The following PRKDC variants were observed in gnomAD, a reference collection of about 807,000 sequenced individuals.
PRKDC encodes the protein protein kinase, DNA-activated, catalytic subunit.
In PRKDC, 82 loss-of-function variants were observed where a neutral mutation model predicts 486.9. The observed-to-expected ratio is 0.17, with a 90% confidence interval of 0.14 to 0.20. The LOEUF is 0.20. PRKDC is among the 10% of genes least tolerant of loss of function. The probability of loss-of-function intolerance (pLI) is 1.00; values close to 1 mark genes in which losing one functional copy is unlikely to be tolerated. For missense variants in PRKDC, 4,504 were observed against 5,038.2 expected, an observed-to-expected ratio of 0.89 and a Z score of 3.21; for synonymous variants, 1,895 against 1,837.0, an observed-to-expected ratio of 1.03 and a Z score of -0.81.
chr8:47,897,138 T>C, intron 30 of PRKDC, 23 bp downstream of exon 30: 2 of 1,560,100 alleles, frequency 1.3e-6, no homozygotes, highest in South Asian at 2.4e-5. Flanking sequence ...GTGGTGAAAT[T>C]AAAGATATAC....
chr8:47,807,247 C>A lies in PRKDC; in HGVS notation c.9637G>T (p.Asp3213Tyr). 1 of 1,613,714 alleles carries A rather than the reference C, an allele frequency of 6.2e-7. No individual in the cohort carries two copies. Among genetic ancestry groups the A allele is most frequent in the South Asian group, 1.1e-5 (1 of 91,048 alleles). ...TGCACTTCCATCCTGTCACTGGGGT[C>A]TCCATCTTGATCCACATTCATACTA... ...DNSMNVDQDG[D>Y]PSDRMEVQEQ... is the part of the protein sequence containing the mutation. Residue 3213 changes from aspartate (D) to tyrosine (Y), a missense_variant, in exon 69 of 86, where the codon GAC becomes TAC. Coordinates refer to ENST00000314191, the MANE Select transcript of PRKDC (RefSeq NM_006904.7).
chr8:47,878,838 A>C (rs1055624623), intron 39 of PRKDC, among the ~76,000 whole-genome samples: 7 of 152,216 alleles, frequency 4.6e-5, no homozygotes, highest in Admixed American at 6.5e-5. Flanking sequence ...CTCTGTCTCA[A>C]AACAAAAGAA....
At chr8:47,933,265 C>T (rs1442823872) in intron 15 of PRKDC, 93 bp from the exon 16 acceptor site, 16 of 1,012,686 alleles carry the variant, frequency 1.6e-5, no homozygotes, top group South Asian at 4.9e-5. Context: ...GATGTATGTG[C>T]CGGTTTGGGT....
intron 68 of PRKDC, among the ~76,000 whole-genome samples, chr8:47,814,431 G>GCAGATGATATGATAT (rs2087399132): frequency 6.6e-6 from 1 of 152,130 alleles, no homozygotes; most frequent in South Asian, 2.1e-4. Context: ...GGCTCTATCG[G>GCAGATGATATGATAT]CAGATGATAT....
At chr8:47,811,774 C>T (rs569933490) in intron 68 of PRKDC, among the ~76,000 whole-genome samples, 17 of 152,056 alleles carry the variant, frequency 1.1e-4, no homozygotes, top group Non-Finnish European at 1.8e-4. Context: ...GTCAGGAGTT[C>T]GAGACCAGCC....
intron 8 of PRKDC, 27 bp downstream of exon 8, chr8:47,943,944 GAAT>G (rs754087380): frequency 3.2e-6 from 5 of 1,554,092 alleles, no homozygotes; most frequent in East Asian, 2.4e-5. Context: ...AAAGGCATTA[GAAT>G]AATATTAATA....
chr8:47,859,354 C>T (rs571237997), intron 46 of PRKDC, among the ~76,000 whole-genome samples: 18 of 152,224 alleles, frequency 1.2e-4, no homozygotes, highest in African/African-American at 3.9e-4. Flanking sequence ...GGTGACTCCC[C>T]GGGAGTGCAC....
At chr8:47,872,616 C>T (rs1322888188) in intron 40 of PRKDC, among the ~76,000 whole-genome samples, 1 of 151,228 alleles carries the variant, frequency 6.6e-6, no homozygotes, top group Non-Finnish European at 1.5e-5. Context: ...CCAATGGAAA[C>T]CAAAACAGAG....
intron 52 of PRKDC, 56 bp downstream of exon 52, chr8:47,852,617 A>C: frequency 1.8e-6 from 2 of 1,102,550 alleles, no homozygotes; most frequent in Non-Finnish European, 2.6e-6. Context: ...ATCAAGGGTC[A>C]TAACAAATCA....
intron 63 of PRKDC, among the ~76,000 whole-genome samples, chr8:47,825,436 G>T (rs1464965832): frequency 6.7e-6 from 1 of 148,560 alleles, no homozygotes; most frequent in African/African-American, 2.5e-5. Context: ...TTGAACCCGG[G>T]AGGTGGAGGT....
intron 20 of PRKDC, 48 bp downstream of exon 20, chr8:47,927,723 G>T: frequency 6.9e-7 from 1 of 1,451,182 alleles, no homozygotes; most frequent in South Asian, 1.6e-5. Context: ...TGTGCTCTGG[G>T]ACTCACAACA....
At position 47,926,925 on chromosome 8, in the gene PRKDC, A is replaced by C. The variant is rs2090166236; in HGVS notation, c.2419+269T>G. 1.3e-5 allele frequency: 4 copies of C among 306,284 alleles called. No homozygotes were observed. In the East Asian group the frequency reaches 2.5e-4, roughly 19 times the overall value. 19.0% of individuals were successfully genotyped at this position (306,284 alleles called of 1,614,324 possible). On this transcript the variant is annotated intron_variant, in intron 21 of 85. Coordinates refer to ENST00000314191, the MANE Select transcript of PRKDC (RefSeq NM_006904.7). ...TGTATTAGGAGTCATAAAAATTTCA[A>C]GGTATTGAAGACAGTACTTGTCTTT...
At chr8:47,856,154 G>C (rs1351905250) in intron 49 of PRKDC, among the ~76,000 whole-genome samples, 1 of 152,112 alleles carries the variant, frequency 6.6e-6, no homozygotes, top group Non-Finnish European at 1.5e-5. Flanking sequence ...TTGGTTAACT[G>C]TGAAACAAAT....
intron 64 of PRKDC, 149 bp from the exon 65 acceptor site, chr8:47,821,941 A>C (rs764262547): frequency 1.3e-6 from 1 of 798,964 alleles, no homozygotes; most frequent in Non-Finnish European, 1.9e-6. Flanking sequence ...TATTCAGAGT[A>C]ACACTGAATG....
intron 7 of PRKDC, among the ~76,000 whole-genome samples, chr8:47,945,775 G>A (rs1212249452): frequency 1.3e-5 from 2 of 152,088 alleles, no homozygotes; most frequent in Non-Finnish European, 2.9e-5. Context: ...AGGCTGGAGT[G>A]CAGTGGCACG....
At chr8:47,867,508 T>C (rs1402273035) in intron 40 of PRKDC, among the ~76,000 whole-genome samples, 1 of 152,232 alleles carries the variant, frequency 6.6e-6, no homozygotes, top group Non-Finnish European at 1.5e-5. Context: ...AAGAAAATTA[T>C]AGCTAAAATG....
intron 59 of PRKDC, among the ~76,000 whole-genome samples, chr8:47,833,253 G>A (rs2087930997): frequency 6.6e-6 from 1 of 152,220 alleles, no homozygotes; most frequent in Non-Finnish European, 1.5e-5. Context: ...AGCAAGTTTT[G>A]TTGCCTGTGT....
chr8:47,859,524 C>A, intron 46 of PRKDC, 87 bp downstream of exon 46: 2 of 1,451,786 alleles, frequency 1.4e-6, no homozygotes, highest in East Asian at 2.3e-5. Flanking sequence ...AGAGAACTGG[C>A]TTCCTGTAGT....
intron 58 of PRKDC, among the ~76,000 whole-genome samples, 152 bp downstream of exon 58, chr8:47,836,186 C>G (rs1201839005): frequency 3.9e-5 from 6 of 152,200 alleles, no homozygotes; most frequent in African/African-American, 1.4e-4. Context: ...GTTATAGGAA[C>G]CCCCTCTTTT....
Sources: allele counts gnomAD v4.1 joint callset (sites outside exome capture counted in the v4.1 genomes callset), GRCh38; gene constraint gnomAD v4.1.1; transcripts MANE v1.5; gene names NCBI Gene and HGNC (gene_info 2026-07-23, HGNC 2026-07-21).